The following SIRT5 variants were observed in gnomAD, a reference collection of about 807,000 sequenced individuals.
SIRT5 encodes NAD-dependent protein deacylase sirtuin-5, mitochondrial.
In SIRT5, 26 loss-of-function variants were observed where a neutral mutation model predicts 40.0. That is an observed-to-expected ratio of 0.65 (90% confidence interval 0.48 to 0.90). The LOEUF (loss-of-function observed/expected upper bound fraction) is 0.90. Ranked by LOEUF, SIRT5 falls within the 40% of genes least tolerant of loss-of-function variation. SIRT5 has a pLI of 0.00. For missense variants in SIRT5, 401 were observed against 402.4 expected (o/e 1.00, Z 0.03); for synonymous variants, 146 against 149.1 (o/e 0.98, Z 0.15).
chr6:13,594,506 C>A (rs1311791963), intron 5 of SIRT5, among the ~76,000 whole-genome samples: 1 of 152,214 alleles, frequency 6.6e-6, no homozygotes, highest in Non-Finnish European at 1.5e-5. Flanking sequence ...GAGAGTGCCT[C>A]CGACGGCTCC....
chr6:13,593,869 C>G (rs1761252705), intron 5 of SIRT5, among the ~76,000 whole-genome samples: 1 of 152,146 alleles, frequency 6.6e-6, no homozygotes, highest in South Asian at 2.1e-4. Flanking sequence ...TCTAGCTCTT[C>G]TAAATGATTC....
At chr6:13,574,929 G>C (rs1394653847) in intron 1 of SIRT5, among the ~76,000 whole-genome samples, 185 bp downstream of exon 1, 1 of 152,126 alleles carries the variant, frequency 6.6e-6, no homozygotes, top group Non-Finnish European at 1.5e-5. Flanking sequence ...CAGCTGCCAG[G>C]GTGACCGAGG....
chr6:13,585,671 T>C (rs1350816788), intron 3 of SIRT5, among the ~76,000 whole-genome samples: 3 of 152,218 alleles, frequency 2.0e-5, no homozygotes, highest in African/African-American at 7.2e-5. Context: ...GTTCCAAGTC[T>C]TTGCTACTGT....
chr6:13,584,697 T>A (rs182713999), intron 3 of SIRT5, among the ~76,000 whole-genome samples: 77 of 152,328 alleles, frequency 5.1e-4, no homozygotes, highest in African/African-American at 1.8e-3. Flanking sequence ...TCAGAGCCTA[T>A]CTCCTTAATA....
At chr6:13,575,107 C>T (rs1188017937) in intron 1 of SIRT5, among the ~76,000 whole-genome samples, 2 of 152,220 alleles carry the variant, frequency 1.3e-5, no homozygotes, top group African/African-American at 4.8e-5. Flanking sequence ...GGATGAAGTC[C>T]CAGTGCTTCG....
At chr6:13,610,130 T>C (rs1763643093) in intron 9 of SIRT5, among the ~76,000 whole-genome samples, 1 of 152,114 alleles carries the variant, frequency 6.6e-6, no homozygotes, top group Non-Finnish European at 1.5e-5. Flanking sequence ...CCACGCATGG[T>C]TGTTTTTACT....
chr6:13,594,559 G>A (rs1477222470), intron 5 of SIRT5, among the ~76,000 whole-genome samples: 3 of 152,234 alleles, frequency 2.0e-5, no homozygotes, highest in African/African-American at 7.2e-5. Context: ...GGGTAGGCTT[G>A]CTTGGTCCAC....
intron 8 of SIRT5, among the ~76,000 whole-genome samples, chr6:13,600,020 ATTC>A (rs1762155295): frequency 6.6e-6 from 1 of 152,226 alleles, no homozygotes; most frequent in Non-Finnish European, 1.5e-5. Context: ...TATTTAGCTA[ATTC>A]TCTACTGTAA....
At chr6:13,596,018 C>T (rs1003532826) in intron 6 of SIRT5, among the ~76,000 whole-genome samples, 1 of 151,942 alleles carries the variant, frequency 6.6e-6, no homozygotes, top group African/African-American at 2.4e-5. Flanking sequence ...AACAAAAAAA[C>T]TAAATATAGC....
chr6:13,595,515 G>A lies in SIRT5; in HGVS notation c.514G>A (p.Val172Met), dbSNP rs188775956. The change falls in exon 6 of 10, where the codon GTG becomes ATG. Residue 172 changes from valine to methionine, a missense_variant. By Grantham distance (21) the Val-to-Met change is conservative (BLOSUM62 1). Transcript: ENST00000606117. ...AACTCGATGTACCTCTTGTGGAGTT[G>A]TGGCTGAGAATTACAAGAGTCCAAT... Reference protein sequence around the residue: ...FKTRCTSCGVVAENYKSPICP... With the variant: ...FKTRCTSCGVMAENYKSPICP... The A allele has an allele frequency of 6.6e-5, 106 of 1,614,104 alleles. No individual in the cohort carries two copies. Among genetic ancestry groups the A allele is most frequent in the Non-Finnish European group, 7.1e-5 (84 of 1,179,966 alleles).
intron 4 of SIRT5, 70 bp from the exon 5 acceptor site, chr6:13,591,599 C>T (rs1194782479): frequency 7.7e-7 from 1 of 1,303,736 alleles, no homozygotes; most frequent in South Asian, 1.5e-5. Context: ...GGAGGAAGGG[C>T]CTGTGCCCCA....
At chr6:13,589,809 G>A (rs546149452) in intron 4 of SIRT5, among the ~76,000 whole-genome samples, 2 of 152,272 alleles carry the variant, frequency 1.3e-5, no homozygotes, top group Admixed American at 6.5e-5. Flanking sequence ...CAGAGGGTGC[G>A]GGAGGAGCTC....
chr6:13,599,134 C>A lies in SIRT5; in HGVS notation c.720C>A (p.Ala240=). Residue 240 remains alanine, a synonymous_variant, in exon 8 of 10, where the codon GCC becomes GCA. Transcript: ENST00000606117. Reference sequence around the variant, plus strand: ...TGGAGGAGGTTGACAGAGAGCTCGCCCACTGTGATTTATGTCTAGTGGTGG... The same window carrying A: ...TGGAGGAGGTTGACAGAGAGCTCGCACACTGTGATTTATGTCTAGTGGTGG... The part of the protein sequence containing the change: ...AILEEVDREL[A]HCDLCLVVGT... 3.7e-6 allele frequency: 6 copies of A among 1,613,904 alleles called. No individual in the cohort carries two copies. In the South Asian group the frequency reaches 6.6e-5, roughly 18 times the overall value.
At chr6:13,596,319 G>A (rs13199462) in intron 6 of SIRT5, among the ~76,000 whole-genome samples, 2 of 152,122 alleles carry the variant, frequency 1.3e-5, no homozygotes, top group African/African-American at 2.4e-5. Flanking sequence ...ATTCCACTCA[G>A]CCTTTTAAAA....
At chr6:13,601,046 G>C in intron 9 of SIRT5, 97 bp downstream of exon 9, 1 of 894,264 alleles carries the variant, frequency 1.1e-6, no homozygotes, top group Non-Finnish European at 1.7e-6. Context: ...TTTTAAAAAA[G>C]ACATAGGGTT....
intron 7 of SIRT5, 129 bp from the exon 8 acceptor site, chr6:13,598,903 G>T: frequency 2.1e-6 from 2 of 959,532 alleles, no homozygotes; most frequent in South Asian, 1.7e-5. Flanking sequence ...TGGGAGGGAG[G>T]GTGTAGGGAA....
chr6:13,596,911 A>T, intron 6 of SIRT5, 52 bp from the exon 7 acceptor site: 1 of 1,434,100 alleles, frequency 7.0e-7, no homozygotes, highest in South Asian at 1.2e-5. Context: ...TTGTTTCTTT[A>T]TTTTTTATTA....
chr6:13,611,351 C>T (rs1445935518), intron 9 of SIRT5, among the ~76,000 whole-genome samples: 3 of 150,452 alleles, frequency 2.0e-5, no homozygotes, highest in Non-Finnish European at 3.0e-5. Flanking sequence ...ACACATAAAA[C>T]ATATATATGT....
At chr6:13,588,543 C>G (rs888564252) in intron 4 of SIRT5, 79 bp downstream of exon 4, 1 of 1,474,586 alleles carries the variant, frequency 6.8e-7, no homozygotes, top group Non-Finnish European at 9.1e-7. Context: ...CTATACCGAT[C>G]CCCGAAACCC....
Sources: gnomAD v4.1 joint callset for allele counts (sites outside exome capture counted in the v4.1 genomes callset) on GRCh38, gnomAD v4.1.1 for gene constraint, MANE v1.5 for transcripts, NCBI Gene and HGNC (gene_info 2026-07-23, HGNC 2026-07-21) for gene names.